FGF13: variants seen among roughly 807,000 people sequenced by gnomAD.
The protein encoded by FGF13 is fibroblast growth factor homologous factor 2.
Under a neutral mutation model 19.5 loss-of-function variants are expected in FGF13, and 2 were observed. The ratio of observed to expected loss-of-function variants is 0.10; its 90% CI spans 0.04 to 0.32. The LOEUF is 0.32. Among genes scored for constraint, FGF13 ranks in the 10% least tolerant of loss-of-function variants. FGF13 has a pLI of 1.00. For synonymous variants in FGF13, 72 were observed against 76.9 expected (o/e 0.94, Z 0.33); for missense variants, 113 against 192.7 (o/e 0.59, Z 2.45).
At chrX:138,807,326 T>C (rs1489803903) in intron 3 of FGF13, among the ~76,000 whole-genome samples, 2 of 111,675 alleles carry the variant, frequency 1.8e-5, no homozygotes, top group Non-Finnish European at 3.8e-5. Flanking sequence ...CTTGGATGTA[T>C]GGGGAGGTAG....
chrX:138,851,107 T>A (rs2091218900), intron 3 of FGF13, among the ~76,000 whole-genome samples: 1 of 112,200 alleles, frequency 8.9e-6, no homozygotes, highest in African/African-American at 3.2e-5. Context: ...CTACAGTGTA[T>A]ATATACCACA....
chrX:138,967,178 A>T (rs758386107), intron 1 of FGF13, among the ~76,000 whole-genome samples: 7 of 107,834 alleles, frequency 6.5e-5, no homozygotes, highest in African/African-American at 1.7e-4. Flanking sequence ...CATTATTCTG[A>T]TATTTACTAT....
Position 138,635,441 on chromosome X carries a change from A to G in FGF13, c.601+16T>C. The G allele has an allele frequency of 8.4e-7, 1 of 1,195,094 alleles. No individual in the cohort carries two copies. Among genetic ancestry groups the G allele is most frequent in the Non-Finnish European group, 1.1e-6 (1 of 880,293 alleles). On this transcript the variant is annotated intron_variant, in intron 4 of 4. Transcript: ENST00000315930. The stretch of plus-strand genomic sequence containing the variant: ...TTTAGTAGCATAATCCATAGTTCCC[A>G]CAATATCAAATGTACCTTTCAGTGG...
chrX:139,155,771 G>A (rs985139861), intron 1 of FGF13, among the ~76,000 whole-genome samples: 10 of 111,951 alleles, frequency 8.9e-5, no homozygotes, highest in Admixed American at 5.7e-4. Context: ...GAAGAGTAGG[G>A]AAATGCTTGT....
At chrX:138,771,311 T>C (rs1291950342) in intron 3 of FGF13, among the ~76,000 whole-genome samples, 3 of 111,614 alleles carry the variant, frequency 2.7e-5, no homozygotes, top group Admixed American at 9.6e-5. Context: ...CAAGTTAAAA[T>C]TGGTCTTACT....
chrX:138,812,697 T>A (rs903980375), intron 3 of FGF13, among the ~76,000 whole-genome samples: 1 of 111,968 alleles, frequency 8.9e-6, no homozygotes, highest in Admixed American at 9.5e-5. Context: ...AACATTTTCT[T>A]TTTAAAAATT....
chrX:139,192,957 C>T (rs1165518475), intron 1 of FGF13, among the ~76,000 whole-genome samples: 1 of 111,654 alleles, frequency 9.0e-6, no homozygotes, highest in African/African-American at 3.3e-5. Context: ...GTTATCTGTT[C>T]CGCTCACTGC....
chrX:138,889,852 G>T (rs1384415377), intron 1 of FGF13, among the ~76,000 whole-genome samples: 1 of 111,286 alleles, frequency 9.0e-6, no homozygotes, highest in Non-Finnish European at 1.9e-5. Flanking sequence ...AATGGAGAGA[G>T]AGGCTAGATG....
At chrX:138,823,831 T>A (rs1453705501) in intron 3 of FGF13, among the ~76,000 whole-genome samples, 1 of 111,983 alleles carries the variant, frequency 8.9e-6, no homozygotes, top group Non-Finnish European at 1.9e-5. Context: ...CATGCCCATA[T>A]TATTATATCC....
At chrX:139,026,738 C>G (rs1449624112) in intron 1 of FGF13, among the ~76,000 whole-genome samples, 1 of 111,698 alleles carries the variant, frequency 9.0e-6, no homozygotes, top group Admixed American at 9.5e-5. Context: ...GCCTGAGCTC[C>G]CATGGCTGGC....
intron 3 of FGF13, among the ~76,000 whole-genome samples, chrX:138,783,878 C>T (rs905135726): frequency 9.1e-5 from 10 of 109,913 alleles, no homozygotes; most frequent in Non-Finnish European, 3.8e-5. Flanking sequence ...ATGTCTATTG[C>T]GACATTATTC....
intron 1 of FGF13, among the ~76,000 whole-genome samples, chrX:139,001,674 A>G (rs965953788): frequency 1.3e-4 from 14 of 111,996 alleles, no homozygotes; most frequent in Non-Finnish European, 2.3e-4. Context: ...GTGATCATCA[A>G]AAAGTCAGGA....
intron 3 of FGF13, among the ~76,000 whole-genome samples, chrX:138,753,973 A>G (rs2090415772): frequency 8.9e-6 from 1 of 112,133 alleles, no homozygotes; most frequent in African/African-American, 3.2e-5. Context: ...CTACCAGCAC[A>G]TAAATGGGTT....
chrX:138,697,079 A>G (rs1481843443), intron 3 of FGF13, among the ~76,000 whole-genome samples: 2 of 112,405 alleles, frequency 1.8e-5, no homozygotes, highest in African/African-American at 3.2e-5. Flanking sequence ...AGCTAAATGC[A>G]TTAAATATAA....
chrX:139,017,139 C>T (rs1474087817), intron 1 of FGF13, among the ~76,000 whole-genome samples: 1 of 106,798 alleles, frequency 9.4e-6, no homozygotes, highest in Admixed American at 1.0e-4. Flanking sequence ...ACATATATAT[C>T]AAAACATCCA....
intron 1 of FGF13, among the ~76,000 whole-genome samples, chrX:139,173,657 G>C (rs1170289413): frequency 9.0e-6 from 1 of 110,690 alleles, no homozygotes; most frequent in Non-Finnish European, 1.9e-5. Flanking sequence ...GCAGTGTCTG[G>C]TTTTCTGTTC....
intron 1 of FGF13, among the ~76,000 whole-genome samples, chrX:139,080,077 C>T (rs899074687): frequency 1.1e-4 from 12 of 109,788 alleles, no homozygotes; most frequent in South Asian, 3.9e-4. Flanking sequence ...CACACACACA[C>T]GCACACACAC....
chrX:138,721,174 A>G (rs139325905), intron 1 of FGF13, among the ~76,000 whole-genome samples: 14 of 111,868 alleles, frequency 1.3e-4, no homozygotes, highest in African/African-American at 3.9e-4. Context: ...TTCTCCTGAT[A>G]TAACTGGCGT....
intron 3 of FGF13, among the ~76,000 whole-genome samples, chrX:138,677,396 CAAAA>C (rs2089680664): frequency 1.8e-5 from 2 of 109,491 alleles, no homozygotes. Context: ...AGGCAACCTA[CAAAA>C]TGGGAGAAAA....
Sources: gnomAD v4.1 joint callset for allele counts (sites outside exome capture counted in the v4.1 genomes callset) on GRCh38, gnomAD v4.1.1 for gene constraint, MANE v1.5 for transcripts, NCBI Gene and HGNC (gene_info 2026-07-23, HGNC 2026-07-21) for gene names.